Variants in RECK observed in about 807,000 individuals in gnomAD.
RECK encodes the protein reversion inducing cysteine rich protein with kazal motifs, also known as reversion-inducing cysteine-rich protein with Kazal motifs.
RECK carries 69 observed loss-of-function variants against 115.1 expected under a neutral mutation model. That is an observed-to-expected ratio of 0.60 (90% CI 0.49 to 0.73). The LOEUF is 0.73. Ranked by LOEUF, RECK falls within the 30% of genes least tolerant of loss-of-function variation. RECK has a pLI of 0.00. For missense variants in RECK, 1,047 were observed against 1,203.7 expected (o/e 0.87, Z 1.93); for synonymous variants, 414 against 419.7 (o/e 0.99, Z 0.17).
chr9:36,082,188 C>CTCTCTCTCTCTCTCT (rs1401784584), intron 7 of RECK, among the ~76,000 whole-genome samples: 461 of 146,416 alleles, frequency 3.1e-3, no homozygotes, highest in East Asian at 5.2e-3. Flanking sequence ...CTCTCTCTCT[C>CTCTCTCTCTCTCTCT]CTTTTTTCTT....
At chr9:36,115,824 C>A (rs6476528) in intron 16 of RECK, among the ~76,000 whole-genome samples, 1 of 151,902 alleles carries the variant, frequency 6.6e-6, no homozygotes, top group Middle Eastern at 3.2e-3. Context: ...AATTTATATA[C>A]CTTAGTACTT....
In RECK at chr9:36,058,847, A is replaced by G; in HGVS notation, c.180A>G (p.Glu60=). ...VCEQIFSSKS[E]SRLKHLLQRA... is the part of the protein sequence containing the mutation. ...AATAGATTTTCTCCTCAAAAAGTGA[A>G]TCCCGACTAAAACATCTGTTGCAGC... The change falls in exon 3 of 21, where the codon GAA becomes GAG. Residue 60 remains glutamate (E), a synonymous_variant. Transcript: ENST00000377966. 1.3e-6 allele frequency: 2 copies of G among 1,596,078 alleles called. No homozygotes were observed. The highest frequency in any genetic ancestry group is 1.7e-6 in the Non-Finnish European group (2 of 1,170,192).
intron 14 of RECK, 122 bp from the exon 15 acceptor site, chr9:36,109,835 C>T: frequency 1.0e-6 from 1 of 969,106 alleles, no homozygotes; most frequent in Non-Finnish European, 1.5e-6. Context: ...TAGAATGAGA[C>T]CCTTCTCAAA....
At chr9:36,074,752 C>T (rs918890170) in intron 6 of RECK, among the ~76,000 whole-genome samples, 1 of 152,184 alleles carries the variant, frequency 6.6e-6, no homozygotes, top group African/African-American at 2.4e-5. Context: ...AGAAAGTGCT[C>T]ATTTTCTACT....
Position 36,108,056 on chromosome 9 carries a change from G to C in RECK, c.1657G>C (p.Gly553Arg). The C allele has an allele frequency of 1.2e-6, 2 of 1,614,008 alleles. No homozygotes were observed. Among genetic ancestry groups the C allele is most frequent in the Non-Finnish European group, 8.5e-7 (1 of 1,179,892 alleles). ...IQVPSSAGEVGCYKICSCGQS... is the reference protein window; with the variant it reads ...IQVPSSAGEVRCYKICSCGQS... ...GGTGCCATCATCTGCAGGGGAAGTT[G>C]GTTGTTATAAAATCTGTTCATGTGG... The change falls in exon 14 of 21, where the codon GGT (glycine) becomes CGT (arginine). Residue 553 changes from glycine to arginine, a missense_variant. Coordinates refer to ENST00000377966, the MANE Select transcript of RECK (RefSeq NM_021111.3).
chr9:36,064,691 C>T (rs1821917727), intron 5 of RECK, among the ~76,000 whole-genome samples: 1 of 152,190 alleles, frequency 6.6e-6, no homozygotes, highest in African/African-American at 2.4e-5. Flanking sequence ...GTCCTCCAGG[C>T]ATTGAGGTGA....
intron 6 of RECK, among the ~76,000 whole-genome samples, chr9:36,069,751 G>A (rs1822156138): frequency 6.6e-6 from 1 of 152,000 alleles, no homozygotes; most frequent in Admixed American, 6.6e-5. Context: ...AAATAGGATG[G>A]GCAGGAGCAG....
chr9:36,065,836 T>A (rs919187635), intron 6 of RECK, among the ~76,000 whole-genome samples: 1 of 152,190 alleles, frequency 6.6e-6, no homozygotes, highest in Non-Finnish European at 1.5e-5. Context: ...TTTAAAGAAA[T>A]GCCTAAATCT....
At chr9:36,096,756 CA>C (rs1245421253) in intron 10 of RECK, among the ~76,000 whole-genome samples, 1 of 151,710 alleles carries the variant, frequency 6.6e-6, no homozygotes, top group Non-Finnish European at 1.5e-5. Context: ...TTTGTGTGGG[CA>C]AAGATTTTGT....
At chr9:36,054,807 G>A (rs1821457175) in intron 2 of RECK, among the ~76,000 whole-genome samples, 1 of 152,044 alleles carries the variant, frequency 6.6e-6, no homozygotes, top group African/African-American at 2.4e-5. Context: ...TTGAATATAG[G>A]GATTGTGTCT....
intron 6 of RECK, among the ~76,000 whole-genome samples, chr9:36,066,391 A>G (rs915471902): frequency 2.0e-5 from 3 of 152,158 alleles, no homozygotes. Flanking sequence ...TTTATATACA[A>G]ACATTGGGAT....
chr9:36,116,926 C>T (rs1587097261), intron 16 of RECK, 59 bp from the exon 17 acceptor site: 1 of 1,409,902 alleles, frequency 7.1e-7, no homozygotes, highest in Non-Finnish European at 9.8e-7. Context: ...TAGTGCTTTG[C>T]TAGCCCCACC....
In RECK at chr9:36,062,462, TTTG is replaced by T. The variant is rs946150931; in HGVS notation, c.272-1318_272-1316del. Among the ~76,000 whole-genome samples, 20 of 151,532 alleles carry T rather than the reference TTTG, an allele frequency of 1.3e-4. 1 individual carries two copies. The highest frequency in any genetic ancestry group is 9.2e-4 in the Admixed American group (14 of 15,230). ...AGGTGTAAGCCACCACACCCAGTCTTTTGTTGTTGTTGTTGTTTTGGTTTTTTG... is the reference window on the plus strand; with the variant it reads ...AGGTGTAAGCCACCACACCCAGTCTTTTGTTGTTGTTGTTTTGGTTTTTTG... On this transcript the variant is annotated intron_variant, in intron 4 of 20. Coordinates refer to ENST00000377966, the MANE Select transcript of RECK (RefSeq NM_021111.3).
In RECK at chr9:36,100,422, C is replaced by T; in HGVS notation, c.1177C>T (p.Pro393Ser). Reference protein sequence around the residue: ...KLWEKGSIKMPFINIPVLDIK... With the variant: ...KLWEKGSIKMSFINIPVLDIK... ...GTGGGAGAAAGGAAGCATAAAGATG[C>T]CATTTATCAATATACCTGTTCTTGA... Residue 393 changes from proline to serine, a missense_variant, in exon 11 of 21, where the codon CCA (proline) becomes TCA (serine). Coordinates refer to ENST00000377966, the MANE Select transcript of RECK (RefSeq NM_021111.3). The T allele has an allele frequency of 6.2e-7, 1 of 1,613,724 alleles. No homozygotes were observed. Among genetic ancestry groups the T allele is most frequent in the Non-Finnish European group, 8.5e-7 (1 of 1,179,670 alleles).
intron 15 of RECK, 68 bp downstream of exon 15, chr9:36,110,147 G>A: frequency 6.5e-7 from 1 of 1,528,802 alleles, no homozygotes; most frequent in South Asian, 1.2e-5. Context: ...TTCCCTTCAA[G>A]GCAGCTTCTC....
chr9:36,073,229 CAG>C (rs749143883), intron 6 of RECK, among the ~76,000 whole-genome samples: 4,859 of 102,284 alleles, frequency 0.048, 108 homozygotes, highest in East Asian at 0.082. Context: ...CAGACACACA[CAG>C]ACACACACAG....
chr9:36,043,191 A>ATTTTTTTTTTTTTTTTT (rs761649232), intron 1 of RECK, among the ~76,000 whole-genome samples: 3 of 53,986 alleles, frequency 5.6e-5, no homozygotes, highest in Non-Finnish European at 9.7e-5. Flanking sequence ...CGCCTGGCTA[A>ATTTTTTTTTTTTTTTTT]TTTTTTTTTT....
At chr9:36,100,255 A>T (rs1564128537) in intron 10 of RECK, 76 bp from the exon 11 acceptor site, 2 of 1,183,278 alleles carry the variant, frequency 1.7e-6, no homozygotes, top group African/African-American at 3.1e-5. Flanking sequence ...ATGCATTAGT[A>T]TGTCAGGATT....
chr9:36,045,944 G>A (rs146255611), intron 1 of RECK, among the ~76,000 whole-genome samples: 18 of 152,000 alleles, frequency 1.2e-4, no homozygotes, highest in African/African-American at 4.3e-4. Flanking sequence ...CAAAAAATGT[G>A]GCCTTTAGTA....
Sources: allele counts gnomAD v4.1 joint callset (sites outside exome capture counted in the v4.1 genomes callset), GRCh38; gene constraint gnomAD v4.1.1; transcripts MANE v1.5; gene names NCBI Gene and HGNC (gene_info 2026-07-23, HGNC 2026-07-21).